Variants in DYM observed in about 807,000 individuals in gnomAD.
The protein encoded by DYM is dymeclin, also known as dyggve-Melchior-Clausen syndrome protein.
Under a neutral mutation model 93.1 loss-of-function variants are expected in DYM, and 78 were observed. The ratio of observed to expected loss-of-function variants is 0.84; its 90% CI spans 0.70 to 1.01. The LOEUF (loss-of-function observed/expected upper bound fraction) is 1.01, where lower values mean the gene tolerates loss of function less well. Ranked by LOEUF, DYM falls within the 50% of genes least tolerant of loss-of-function variation. The pLI, the probability that DYM is intolerant of heterozygous loss-of-function variation, is 0.00. For missense variants in DYM, 789 were observed against 845.0 expected (o/e 0.93, Z 0.82); for synonymous variants, 321 against 319.7 (o/e 1.00, Z -0.04).
intron 13 of DYM, among the ~76,000 whole-genome samples, chr18:49,246,228 T>G (rs2094162481): frequency 6.6e-6 from 1 of 152,242 alleles, no homozygotes; most frequent in Non-Finnish European, 1.5e-5. Flanking sequence ...CTTCCCTTGT[T>G]TGTCCTATCT....
At chr18:49,150,426 G>C (rs2085686661) in intron 15 of DYM, among the ~76,000 whole-genome samples, 2 of 152,176 alleles carry the variant, frequency 1.3e-5, no homozygotes, top group Non-Finnish European at 2.9e-5. Flanking sequence ...AAAGACACCA[G>C]AGAGCTTGCT....
chr18:49,096,166 G>C (rs780074070), intron 17 of DYM, among the ~76,000 whole-genome samples: 5 of 152,148 alleles, frequency 3.3e-5, no homozygotes, highest in African/African-American at 4.8e-5. Context: ...ATCCAAGCTG[G>C]AGGGCCCAGT....
At chr18:49,270,870 A>G (rs2094679212) in intron 11 of DYM, among the ~76,000 whole-genome samples, 1 of 152,152 alleles carries the variant, frequency 6.6e-6, no homozygotes, top group Admixed American at 6.6e-5. Flanking sequence ...AGGAGAAAAC[A>G]AAGTGTCTGT....
chr18:49,185,256 C>T (rs2090329485), intron 14 of DYM, among the ~76,000 whole-genome samples: 1 of 152,186 alleles, frequency 6.6e-6, no homozygotes, highest in Admixed American at 6.5e-5. Context: ...GATTACTATT[C>T]AGCTATCATT....
chr18:49,352,718 A>C (rs2065216342), intron 6 of DYM, among the ~76,000 whole-genome samples: 2 of 152,046 alleles, frequency 1.3e-5, no homozygotes, highest in African/African-American at 4.8e-5. Flanking sequence ...ATAAAATAAA[A>C]CCTCCCGTGA....
intron 15 of DYM, among the ~76,000 whole-genome samples, chr18:49,153,815 C>T (rs1052415794): frequency 1.3e-5 from 2 of 152,054 alleles, no homozygotes; most frequent in Admixed American, 6.5e-5. Flanking sequence ...AGGCAAGATC[C>T]ATCAGTGGAT....
intron 16 of DYM, among the ~76,000 whole-genome samples, chr18:49,116,848 G>A (rs982147284): frequency 6.6e-6 from 1 of 152,094 alleles, no homozygotes; most frequent in African/African-American, 2.4e-5. Flanking sequence ...GTGTTCCTTA[G>A]GCAAAACTTT....
chr18:49,309,793 G>A (rs1021407720), intron 8 of DYM, among the ~76,000 whole-genome samples: 21 of 152,108 alleles, frequency 1.4e-4, no homozygotes, highest in Non-Finnish European at 2.8e-4. Flanking sequence ...GATCCTTAGG[G>A]GAATAATAAT....
At chr18:49,415,309 G>A (rs2072803886) in intron 2 of DYM, among the ~76,000 whole-genome samples, 3 of 105,854 alleles carry the variant, frequency 2.8e-5, no homozygotes, top group African/African-American at 3.7e-5. Flanking sequence ...GACAGAGTGA[G>A]ACTGGGTCTC....
At chr18:49,448,556 T>A (rs2082283007) in intron 1 of DYM, among the ~76,000 whole-genome samples, 1 of 152,144 alleles carries the variant, frequency 6.6e-6, no homozygotes, top group African/African-American at 2.4e-5. Context: ...AGTGACTTAG[T>A]TCCTCTGGTT....
In DYM at chr18:49,043,359, T is replaced by C. The variant is rs1347394667; in HGVS notation, c.*696A>G. ...TGCCCAAGCTGGTTTCAGATTCCTG[T>C]GCTCAAGGGATTCTGCTAACTTGGC... On this transcript the variant is annotated 3_prime_UTR_variant, in exon 18 of 18. Transcript: ENST00000675505. The C allele has an allele frequency of 6.6e-6, 1 of 152,238 alleles. No individual in the cohort carries two copies. The highest frequency in any genetic ancestry group is 1.5e-5 in the Non-Finnish European group (1 of 68,094). 9.4% of individuals were successfully genotyped at this position (152,238 alleles called of 1,614,324 possible).
intron 8 of DYM, among the ~76,000 whole-genome samples, chr18:49,320,392 C>T (rs2062375400): frequency 6.6e-6 from 1 of 152,152 alleles, no homozygotes. Context: ...CTATCAATCC[C>T]TCTATTCATC....
intron 5 of DYM, among the ~76,000 whole-genome samples, chr18:49,370,135 G>T (rs923767348): frequency 2.6e-5 from 4 of 152,026 alleles, no homozygotes. Flanking sequence ...AAAATCAGCT[G>T]GGCATGGTGG....
chr18:49,390,009 G>A lies in DYM; in HGVS notation c.193+1584C>T, dbSNP rs1357250325. ...TCCTTAATTTTCAGCACTGAATTGC[G>A]ACATGGCTTTTGAAAGCCAGCTCTA... On this transcript the variant is annotated intron_variant, in intron 3 of 17. Coordinates refer to ENST00000675505, the MANE Select transcript of DYM (RefSeq NM_001353214.3). Among the ~76,000 whole-genome samples the A allele has an allele frequency of 7.2e-5, 11 of 152,104 alleles. No homozygotes were observed. The East Asian group carries it at 1.5e-3, about 21-fold the overall frequency.
intron 13 of DYM, among the ~76,000 whole-genome samples, chr18:49,223,918 C>T (rs1189146385): frequency 6.6e-6 from 1 of 152,042 alleles, no homozygotes; most frequent in Non-Finnish European, 1.5e-5. Flanking sequence ...TGCCTTCATT[C>T]TAGGAACAAT....
In DYM at chr18:49,209,695, C is replaced by T. The variant is rs746706729; in HGVS notation, c.1481G>A (p.Arg494Gln). 3.5e-4 allele frequency: 454 copies of T among 1,280,932 alleles called. 1 individual carries two copies. Among genetic ancestry groups the T allele is most frequent in the Non-Finnish European group, 4.0e-4 (395 of 983,776 alleles). The allele number at this position is 1,280,932 out of a possible 1,614,324, so 79.3% of individuals were successfully genotyped here. A position where few individuals can be genotyped will look rare whatever the true frequency, so the allele number is the denominator to read the frequency against. The change falls in exon 14 of 18, where the codon CGG becomes CAG. Residue 494 changes from arginine to glutamine, a missense_variant. Transcript: ENST00000675505. ...TTTGTCCAACACATAAACATATCTC[C>T]GCAAGTGGCGGCAGGTATAACTGAA... ...RIISYTCRHL[R>Q]RYVYVLDKLY...
intron 2 of DYM, among the ~76,000 whole-genome samples, chr18:49,422,310 G>A (rs1232931727): frequency 1.3e-5 from 2 of 152,174 alleles, no homozygotes; most frequent in East Asian, 1.9e-4. Flanking sequence ...GGATCTCTCG[G>A]CAGAAACTCT....
intron 1 of DYM, among the ~76,000 whole-genome samples, chr18:49,446,689 G>A (rs866619997): frequency 6.6e-6 from 1 of 152,110 alleles, no homozygotes; most frequent in African/African-American, 2.4e-5. Flanking sequence ...ACAGAGATAC[G>A]GATACATCAA....
intron 13 of DYM, among the ~76,000 whole-genome samples, chr18:49,232,157 G>C (rs953316824): frequency 5.3e-5 from 8 of 151,988 alleles, no homozygotes; most frequent in African/African-American, 1.9e-4. Flanking sequence ...GGTACGTTAT[G>C]AAGTATTCTG....
Sources: gnomAD v4.1 joint callset for allele counts (sites outside exome capture counted in the v4.1 genomes callset) on GRCh38, gnomAD v4.1.1 for gene constraint, MANE v1.5 for transcripts, NCBI Gene and HGNC (gene_info 2026-07-23, HGNC 2026-07-21) for gene names.